Variants in IQUB observed in about 807,000 individuals in gnomAD.
IQUB encodes IQ motif and ubiquitin domain containing.
In IQUB, 86 loss-of-function variants were observed where a neutral mutation model predicts 86.4. The observed-to-expected ratio is 1.00, with a 90% CI of 0.84 to 1.19. IQUB has a LOEUF of 1.19. Among genes scored for constraint, IQUB ranks in the 50% most tolerant of loss-of-function variants. The pLI is 0.00. For synonymous variants in IQUB, 289 were observed against 304.5 expected (o/e 0.95, Z 0.53); for missense variants, 946 against 916.9 (o/e 1.03, Z -0.41).
At chr7:123,467,720 A>T (rs150447028) in intron 9 of IQUB, among the ~76,000 whole-genome samples, 25 of 152,310 alleles carry the variant, frequency 1.6e-4, no homozygotes, top group African/African-American at 5.8e-4. Flanking sequence ...AAGAGCTATC[A>T]TGATGAGGAA....
At chr7:123,482,856 C>T (rs1795067413) in intron 7 of IQUB, among the ~76,000 whole-genome samples, 1 of 152,072 alleles carries the variant, frequency 6.6e-6, no homozygotes, top group African/African-American at 2.4e-5. Flanking sequence ...TTGGAATATA[C>T]ATCTGGACTG....
chr7:123,499,572 A>G (rs2117185945), intron 6 of IQUB, among the ~76,000 whole-genome samples: 1 of 152,310 alleles, frequency 6.6e-6, no homozygotes, highest in South Asian at 2.1e-4. Context: ...ATTACCAAAT[A>G]CCAAGGATAA....
chr7:123,514,916 C>A (rs1298690433), intron 1 of IQUB, among the ~76,000 whole-genome samples: 2 of 152,136 alleles, frequency 1.3e-5, no homozygotes, highest in African/African-American at 2.4e-5. Context: ...GGGACATATT[C>A]TTAACCTTAG....
At chr7:123,504,918 T>C (rs1215540461) in intron 3 of IQUB, among the ~76,000 whole-genome samples, 2 of 152,138 alleles carry the variant, frequency 1.3e-5, no homozygotes, top group African/African-American at 4.8e-5. Context: ...ACAAGGCAAG[T>C]CCCTTCCACC....
chr7:123,469,665 G>A (rs1056395989), intron 8 of IQUB, among the ~76,000 whole-genome samples: 30 of 152,096 alleles, frequency 2.0e-4, no homozygotes, highest in Non-Finnish European at 4.1e-4. Context: ...TTTGAGAGAT[G>A]TATGGAATTA....
chr7:123,517,554 A>AG (rs1207405590), intron 1 of IQUB, among the ~76,000 whole-genome samples: 22 of 150,160 alleles, frequency 1.5e-4, no homozygotes, highest in African/African-American at 4.9e-4. Flanking sequence ...AAAAAAAAAA[A>AG]AAAGAAAGAG....
At chr7:123,525,418 G>C (rs28820020) in intron 1 of IQUB, among the ~76,000 whole-genome samples, 41,335 of 151,756 alleles carry the variant, frequency 0.27, 5,750 homozygotes, top group East Asian at 0.33. Context: ...CTTCTTCCTG[G>C]TTTAGTCTTG....
At chr7:123,485,728 C>T (rs189702982) in intron 7 of IQUB, among the ~76,000 whole-genome samples, 47 of 152,230 alleles carry the variant, frequency 3.1e-4, no homozygotes, top group Admixed American at 2.4e-3. Context: ...TTTTGTCTAC[C>T]ATTGGCAGTT....
In IQUB at chr7:123,499,344, G is replaced by A. The variant is rs137974510; in HGVS notation, c.1024-2438C>T. Among the ~76,000 whole-genome samples the A allele has an allele frequency of 1.2e-3, 181 of 152,178 alleles. 2 individuals carry two copies. Among genetic ancestry groups the A allele is most frequent in the Non-Finnish European group, 1.9e-3 (127 of 67,970 alleles). The stretch of plus-strand genomic sequence containing the variant: ...AGCTTGGTCTCCAACTCCTGGCCTC[G>A]AGTGATCTGCCCACTTCAGCCTCCC... On this transcript the variant is annotated intron_variant, in intron 6 of 12. Coordinates refer to ENST00000324698, the MANE Select transcript of IQUB (RefSeq NM_178827.5).
At chr7:123,464,334 A>G (rs975060306) in intron 10 of IQUB, among the ~76,000 whole-genome samples, 1 of 151,854 alleles carries the variant, frequency 6.6e-6, no homozygotes, top group African/African-American at 2.4e-5. Flanking sequence ...ATCCATATGG[A>G]CCTGTTCAGT....
intron 1 of IQUB, among the ~76,000 whole-genome samples, chr7:123,530,294 G>A (rs1797467201): frequency 6.6e-6 from 1 of 150,944 alleles, no homozygotes; most frequent in Admixed American, 6.6e-5. Context: ...AAATTAGCCG[G>A]GCATGGTGGC....
intron 12 of IQUB, 136 bp from the exon 13 acceptor site, chr7:123,453,061 A>G: frequency 1.5e-6 from 1 of 651,022 alleles, no homozygotes; most frequent in East Asian, 2.8e-5. Context: ...GTTGTCTATC[A>G]TCATTCACGA....
chr7:123,480,041 A>T, intron 7 of IQUB, 71 bp from the exon 8 acceptor site: 1 of 1,162,086 alleles, frequency 8.6e-7, no homozygotes, highest in Non-Finnish European at 1.2e-6. Context: ...CCTGATGAGG[A>T]GTATTTTATT....
chr7:123,530,073 G>A (rs1470817197), intron 1 of IQUB, among the ~76,000 whole-genome samples: 1 of 151,742 alleles, frequency 6.6e-6, no homozygotes, highest in Non-Finnish European at 1.5e-5. Context: ...GCTGGGAGTG[G>A]TGGCAGGAGC....
chr7:123,501,865 T>C (rs1166907650), intron 6 of IQUB: 1 of 152,156 alleles, frequency 6.6e-6, no homozygotes, highest in Non-Finnish European at 1.5e-5. Flanking sequence ...TATTCCTTTA[T>C]TTGGTGAAAT....
rs201714151 is a variant in IQUB, at chr7:123,479,960, T to C, written c.1245A>G (p.Gln415=). Residue 415 remains glutamine (Q), a synonymous_variant, in exon 8 of 13, where the codon CAA becomes CAG. Transcript: ENST00000324698. ...FLYNALEFWR[Q]EELTRINQSF... ...ATTGGTTAATACGTGTAAGTTCTTCTTGCCGCCAGACTAGAGGAATAACAC... is the reference window on the plus strand; with the variant it reads ...ATTGGTTAATACGTGTAAGTTCTTCCTGCCGCCAGACTAGAGGAATAACAC... 2 of 1,607,930 alleles carry C rather than the reference T, an allele frequency of 1.2e-6. No homozygotes were observed. Among genetic ancestry groups the C allele is most frequent in the East Asian group, 2.2e-5 (1 of 44,826 alleles).
chr7:123,462,961 G>C, intron 10 of IQUB: 1 of 342,608 alleles, frequency 2.9e-6, no homozygotes. Flanking sequence ...GGTTGTGGGG[G>C]TAGTGGTGTT....
At chr7:123,470,623 G>A (rs1328989251) in intron 8 of IQUB, among the ~76,000 whole-genome samples, 8 of 152,172 alleles carry the variant, frequency 5.3e-5, no homozygotes, top group African/African-American at 9.6e-5. Context: ...AGGCCGAGGC[G>A]GGCAGATCAC....
rs1406482423 is a variant in IQUB at position 123,524,825 on chromosome 7, T to C, written c.-5+9667A>G. Among the ~76,000 whole-genome samples the C allele has an allele frequency of 1.8e-4, 27 of 150,314 alleles. No homozygotes were observed. In the East Asian group the frequency reaches 5.3e-3, roughly 29 times the overall value. On this transcript the variant is annotated intron_variant, in intron 1 of 12. Transcript: ENST00000324698. Reference sequence around the variant, plus strand: ...CAGTTTTGGCCCATTCAGTATGATATTGGCTGTGGGTTTGTCATAGATAGC... The same window carrying C: ...CAGTTTTGGCCCATTCAGTATGATACTGGCTGTGGGTTTGTCATAGATAGC...
Sources: gnomAD v4.1 joint callset for allele counts (sites outside exome capture counted in the v4.1 genomes callset) on GRCh38, gnomAD v4.1.1 for gene constraint, MANE v1.5 for transcripts, NCBI Gene and HGNC (gene_info 2026-07-23, HGNC 2026-07-21) for gene names.